Variants in DACH1 observed in about 807,000 individuals in gnomAD.
DACH1 encodes the protein dachshund homolog 1.
In DACH1, 12 loss-of-function variants were observed where a neutral mutation model predicts 54.2. That is an observed-to-expected ratio of 0.22 (90% CI 0.14 to 0.36). The LOEUF is 0.36. DACH1 is among the 10% of genes least tolerant of loss of function. DACH1 has a pLI of 1.00. For missense variants in DACH1, 805 were observed against 929.8 expected (o/e 0.87, Z 1.75); for synonymous variants, 386 against 366.2 (o/e 1.05, Z -0.62).
intron 1 of DACH1, among the ~76,000 whole-genome samples, chr13:71,771,283 A>G (rs1156759909): frequency 6.6e-6 from 1 of 150,852 alleles, no homozygotes; most frequent in Non-Finnish European, 1.5e-5. Context: ...TATGAAGAAG[A>G]ACACCACCAG....
At chr13:71,679,063 C>T (rs891804780) in intron 2 of DACH1, among the ~76,000 whole-genome samples, 2 of 152,066 alleles carry the variant, frequency 1.3e-5, no homozygotes, top group Non-Finnish European at 2.9e-5. Context: ...TAATGCTTAG[C>T]TTGACAGAAG....
At chr13:71,606,447 C>T (rs1243356435) in intron 3 of DACH1, among the ~76,000 whole-genome samples, 4 of 151,880 alleles carry the variant, frequency 2.6e-5, no homozygotes, top group African/African-American at 4.8e-5. Context: ...ATTTCAGAAT[C>T]TAAAATAGAA....
intron 1 of DACH1, among the ~76,000 whole-genome samples, chr13:71,795,417 C>T (rs987169302): frequency 4.1e-5 from 6 of 145,104 alleles, no homozygotes; most frequent in Non-Finnish European, 8.8e-5. Context: ...TGTACTTAAA[C>T]ATCATGACCT....
intron 6 of DACH1, among the ~76,000 whole-genome samples, chr13:71,492,151 C>T (rs765813377): frequency 1.3e-4 from 20 of 152,032 alleles, no homozygotes; most frequent in African/African-American, 4.1e-4. Flanking sequence ...AAAAGTTACA[C>T]GAATTGTACA....
chr13:71,500,248 T>C (rs1879798432), intron 6 of DACH1, among the ~76,000 whole-genome samples: 1 of 152,110 alleles, frequency 6.6e-6, no homozygotes, highest in African/African-American at 2.4e-5. Context: ...AGTTGTCTCA[T>C]AAATCCAAGG....
chr13:71,682,009 T>C, intron 1 of DACH1, 99 bp from the exon 2 acceptor site: 1 of 628,654 alleles, frequency 1.6e-6, no homozygotes, highest in South Asian at 2.5e-5. Context: ...AATAAATTTG[T>C]TTCAAGGACG....
rs918524926 is a variant in DACH1, at chr13:71,825,180, T to A, written c.848+40742A>T. Among the ~76,000 whole-genome samples the A allele has an allele frequency of 3.9e-5, 6 of 152,244 alleles. No homozygotes were observed. The South Asian group carries it at 1.2e-3, about 32-fold the overall frequency. On this transcript the variant is annotated intron_variant, in intron 1 of 10. Transcript: ENST00000613252. The stretch of plus-strand genomic sequence containing the variant: ...TGTGCTTCATATTTAGTTTTCTCTT[T>A]CATTTACTAATTTAGTCCTCATATT...
intron 1 of DACH1, among the ~76,000 whole-genome samples, chr13:71,752,270 C>G (rs1274446379): frequency 6.6e-6 from 1 of 152,132 alleles, no homozygotes; most frequent in Non-Finnish European, 1.5e-5. Flanking sequence ...ACATTAAATA[C>G]ATCATATATT....
chr13:71,616,133 A>AACCAC (rs1374672630), intron 3 of DACH1, among the ~76,000 whole-genome samples: 1 of 152,148 alleles, frequency 6.6e-6, no homozygotes, highest in Non-Finnish European at 1.5e-5. Flanking sequence ...TTTAATGCTG[A>AACCAC]ACCACAAACA....
At chr13:71,448,873 G>T (rs555595467) in intron 10 of DACH1, among the ~76,000 whole-genome samples, 12 of 150,278 alleles carry the variant, frequency 8.0e-5, no homozygotes, top group Admixed American at 1.3e-4. Context: ...GGCCTACAGA[G>T]TTGGGTCAAG....
chr13:71,592,482 A>G (rs1363432504), intron 3 of DACH1, among the ~76,000 whole-genome samples: 5 of 144,084 alleles, frequency 3.5e-5, no homozygotes, highest in Admixed American at 7.0e-5. Context: ...GAGACATAGC[A>G]AGACTCTATC....
chr13:71,452,294 A>G (rs1875133242), intron 10 of DACH1, among the ~76,000 whole-genome samples: 2 of 151,796 alleles, frequency 1.3e-5, no homozygotes, highest in African/African-American at 4.8e-5. Flanking sequence ...TGCCTGGCTC[A>G]TTTTTGTATT....
chr13:71,466,264 T>C (rs528620777), intron 10 of DACH1, among the ~76,000 whole-genome samples: 43 of 152,210 alleles, frequency 2.8e-4, no homozygotes, highest in Non-Finnish European at 5.4e-4. Context: ...TCACTATTTT[T>C]GACTATTGGT....
intron 3 of DACH1, among the ~76,000 whole-genome samples, chr13:71,596,015 A>G (rs1874068238): frequency 6.6e-6 from 1 of 152,148 alleles, no homozygotes; most frequent in Non-Finnish European, 1.5e-5. Flanking sequence ...TAGAGACTTT[A>G]AAGTGATGTC....
At chr13:71,740,038 A>G (rs970064356) in intron 1 of DACH1, among the ~76,000 whole-genome samples, 1 of 152,242 alleles carries the variant, frequency 6.6e-6, no homozygotes, top group Non-Finnish European at 1.5e-5. Context: ...TCATGAAATC[A>G]TAATTATATC....
chr13:71,540,783 G>A (rs1454522859), intron 6 of DACH1, among the ~76,000 whole-genome samples: 1 of 151,774 alleles, frequency 6.6e-6, no homozygotes, highest in Non-Finnish European at 1.5e-5. Flanking sequence ...TTTAGTCTAT[G>A]ACAAAAATAT....
At chr13:71,616,970 C>T (rs1012522580) in intron 3 of DACH1, among the ~76,000 whole-genome samples, 18 of 151,658 alleles carry the variant, frequency 1.2e-4, no homozygotes, top group Non-Finnish European at 1.2e-4. Flanking sequence ...CAACCTCCAC[C>T]TCCCAGGTTC....
chr13:71,503,326 A>G (rs890884184), intron 6 of DACH1, among the ~76,000 whole-genome samples: 1 of 152,150 alleles, frequency 6.6e-6, no homozygotes, highest in Non-Finnish European at 1.5e-5. Context: ...CACATAACAT[A>G]TTTTTATATA....
chr13:71,763,431 C>T (rs1488874782), intron 1 of DACH1, among the ~76,000 whole-genome samples: 1 of 152,148 alleles, frequency 6.6e-6, no homozygotes, highest in Non-Finnish European at 1.5e-5. Context: ...GCTCAAACCC[C>T]ATGATAATTA....
Sources: allele counts gnomAD v4.1 joint callset (sites outside exome capture counted in the v4.1 genomes callset), GRCh38; gene constraint gnomAD v4.1.1; transcripts MANE v1.5; gene names NCBI Gene and HGNC (gene_info 2026-07-23, HGNC 2026-07-21).